Variants in MAGI1 observed in about 807,000 individuals in gnomAD.
MAGI1 encodes membrane associated guanylate kinase, WW and PDZ domain containing 1.
MAGI1 carries 58 observed loss-of-function variants against 139.9 expected under a neutral mutation model. The ratio of observed to expected loss-of-function variants is 0.41; its 90% CI spans 0.34 to 0.52. The LOEUF (loss-of-function observed/expected upper bound fraction) is 0.52. Ranked by LOEUF, MAGI1 falls within the 20% of genes least tolerant of loss-of-function variation. The pLI, the probability that MAGI1 is intolerant of heterozygous loss-of-function variation, is 0.12. For synonymous variants in MAGI1, 812 were observed against 737.9 expected, an observed-to-expected ratio of 1.10 and a Z score of -1.63; for missense variants, 1,874 against 1,901.6, an observed-to-expected ratio of 0.99 and a Z score of 0.27.
intron 1 of MAGI1, among the ~76,000 whole-genome samples, chr3:65,763,752 T>A (rs1193453689): frequency 1.7e-4 from 24 of 143,544 alleles, no homozygotes; most frequent in Middle Eastern, 3.7e-3. Context: ...CAAGTGCTTT[T>A]AAAAAAAAAA....
intron 2 of MAGI1, among the ~76,000 whole-genome samples, chr3:65,546,949 A>G (rs2079533699): frequency 6.6e-6 from 1 of 152,192 alleles, no homozygotes; most frequent in African/African-American, 2.4e-5. Context: ...GTATATATGT[A>G]TGCATTTGTG....
At chr3:65,442,324 C>G (rs1336398293) in intron 8 of MAGI1, among the ~76,000 whole-genome samples, 4 of 152,160 alleles carry the variant, frequency 2.6e-5, no homozygotes, top group Non-Finnish European at 1.5e-5. Context: ...GGCAACATTT[C>G]ATAAATTACC....
At chr3:65,589,330 C>T (rs1055116446) in intron 2 of MAGI1, among the ~76,000 whole-genome samples, 3 of 152,180 alleles carry the variant, frequency 2.0e-5, no homozygotes, top group African/African-American at 7.2e-5. Flanking sequence ...ATAGATCCCA[C>T]ACTCTGCTGG....
intron 1 of MAGI1, among the ~76,000 whole-genome samples, chr3:65,926,727 G>T (rs1162536820): frequency 6.6e-6 from 1 of 152,166 alleles, no homozygotes; most frequent in African/African-American, 2.4e-5. Context: ...GGGCGTGGTG[G>T]CTCACACCTC....
chr3:65,390,939 C>G (rs1004516701), intron 14 of MAGI1, among the ~76,000 whole-genome samples: 11 of 152,192 alleles, frequency 7.2e-5, no homozygotes, highest in African/African-American at 2.2e-4. Context: ...CCATCCACTT[C>G]TACCCCCTCC....
chr3:65,682,656 G>GA (rs1253824578), intron 1 of MAGI1, among the ~76,000 whole-genome samples: 1 of 151,912 alleles, frequency 6.6e-6, no homozygotes, highest in Non-Finnish European at 1.5e-5. Flanking sequence ...AGAAACTTAA[G>GA]AAAAAAATCT....
At chr3:66,006,994 CTATTTATTTATT>C (rs61207352) in intron 1 of MAGI1, among the ~76,000 whole-genome samples, 1 of 151,130 alleles carries the variant, frequency 6.6e-6, no homozygotes, top group Non-Finnish European at 1.5e-5. Context: ...CCATGCCCAG[CTATTTATTTATT>C]TATTTATTTA....
At chr3:65,463,330 G>A (rs1398203939) in intron 5 of MAGI1, among the ~76,000 whole-genome samples, 1 of 152,048 alleles carries the variant, frequency 6.6e-6, no homozygotes, top group African/African-American at 2.4e-5. Context: ...GAATATTATT[G>A]AAGGCCTTTT....
intron 1 of MAGI1, among the ~76,000 whole-genome samples, chr3:65,832,280 A>G (rs745787118): frequency 6.6e-6 from 1 of 152,198 alleles, no homozygotes; most frequent in Non-Finnish European, 1.5e-5. Flanking sequence ...TTTGTGCCTT[A>G]TAATTTGGTT....
chr3:65,739,523 CCTAG>C (rs1423953601), intron 1 of MAGI1, among the ~76,000 whole-genome samples: 1 of 152,200 alleles, frequency 6.6e-6, no homozygotes, highest in Non-Finnish European at 1.5e-5. Flanking sequence ...GTTCAAGAGG[CCTAG>C]CTTTCAGCCG....
intron 2 of MAGI1, among the ~76,000 whole-genome samples, chr3:65,602,706 A>G (rs1036014400): frequency 1.3e-5 from 2 of 152,128 alleles, no homozygotes; most frequent in African/African-American, 4.8e-5. Context: ...TATTTCAATA[A>G]AACTATTTTT....
chr3:65,787,057 A>C (rs141605994), intron 1 of MAGI1, among the ~76,000 whole-genome samples: 1 of 152,158 alleles, frequency 6.6e-6, no homozygotes, highest in Non-Finnish European at 1.5e-5. Context: ...TTCTTCTCCT[A>C]TCTCATGTTT....
intron 1 of MAGI1, among the ~76,000 whole-genome samples, chr3:65,704,052 A>C (rs1444138188): frequency 1.3e-5 from 2 of 152,140 alleles, no homozygotes; most frequent in Non-Finnish European, 2.9e-5. Flanking sequence ...TTAATGAAGT[A>C]TCTCCTAGCA....
chr3:66,021,854 C>T (rs566504296), intron 1 of MAGI1, among the ~76,000 whole-genome samples: 1 of 152,242 alleles, frequency 6.6e-6, no homozygotes, highest in South Asian at 2.1e-4. Context: ...TGAAAACTCT[C>T]CCAGGTAATT....
At chr3:65,876,871 T>G (rs1031748460) in intron 1 of MAGI1, among the ~76,000 whole-genome samples, 1 of 151,416 alleles carries the variant, frequency 6.6e-6, no homozygotes, top group African/African-American at 2.4e-5. Flanking sequence ...AGCCTCCCGA[T>G]TAGCTGGGAC....
intron 2 of MAGI1, among the ~76,000 whole-genome samples, chr3:65,619,328 G>A (rs1325926479): frequency 6.6e-6 from 1 of 152,162 alleles, no homozygotes; most frequent in Non-Finnish European, 1.5e-5. Flanking sequence ...AAGTGGTAAA[G>A]TGTGCTATGA....
intron 1 of MAGI1, among the ~76,000 whole-genome samples, chr3:66,007,791 T>C (rs2067106064): frequency 6.6e-6 from 1 of 152,074 alleles, no homozygotes; most frequent in African/African-American, 2.4e-5. Flanking sequence ...GTATTTGCTA[T>C]ACTTTCCTTA....
intron 4 of MAGI1, among the ~76,000 whole-genome samples, chr3:65,472,883 A>G (rs948849524): frequency 7.2e-5 from 11 of 152,242 alleles, no homozygotes; most frequent in Non-Finnish European, 1.2e-4. Flanking sequence ...TCTTTAAAAA[A>G]TAATGCAGTA....
intron 17 of MAGI1, 47 bp downstream of exon 17, chr3:65,379,214 C>T (rs755253098): frequency 1.9e-6 from 3 of 1,606,634 alleles, no homozygotes; most frequent in African/African-American, 1.3e-5. Flanking sequence ...AACAAAAACT[C>T]CCAGGCATGG....
Sources: allele counts gnomAD v4.1 joint callset (sites outside exome capture counted in the v4.1 genomes callset), GRCh38; gene constraint gnomAD v4.1.1; transcripts MANE v1.5; gene names NCBI Gene and HGNC (gene_info 2026-07-23, HGNC 2026-07-21).